Variants in ADAMTS6 observed in about 807,000 individuals in gnomAD.
The protein encoded by ADAMTS6 is A disintegrin and metalloproteinase with thrombospondin motifs 6.
Under a neutral mutation model 144.3 loss-of-function variants are expected in ADAMTS6, and 23 were observed. The observed-to-expected ratio is 0.16, with a 90% CI of 0.11 to 0.23. ADAMTS6 has a LOEUF of 0.23. Ranked by LOEUF, ADAMTS6 falls within the 10% of genes least tolerant of loss-of-function variation. The pLI is 1.00. For synonymous variants in ADAMTS6, 444 were observed against 457.5 expected (o/e 0.97, Z 0.38); for missense variants, 999 against 1,379.6 (o/e 0.72, Z 4.37).
chr5:65,268,649 T>C (rs1761818836), intron 12 of ADAMTS6, among the ~76,000 whole-genome samples: 1 of 152,194 alleles, frequency 6.6e-6, no homozygotes, highest in African/African-American at 2.4e-5. Context: ...GAATGGCTTA[T>C]TCAGGCGAAC....
chr5:65,196,556 G>GAAAAAAAAAAAA, intron 21 of ADAMTS6, among the ~76,000 whole-genome samples: 1 of 106,122 alleles, frequency 9.4e-6, no homozygotes, highest in Non-Finnish European at 2.0e-5. Context: ...AAAAAAAGAG[G>GAAAAAAAAAAAA]TCTTTAGATC....
At position 65,460,290 on chromosome 5, in the gene ADAMTS6, T is replaced by G. The variant is rs762682417; in HGVS notation, c.511A>C (p.Lys171Gln). Residue 171 changes from lysine (K) to glutamine (Q), a missense_variant, in exon 4 of 25, where the codon AAG becomes CAG. By Grantham distance (53) the Lys-to-Gln change is moderately conservative (BLOSUM62 1). Around this residue, in one of 3 missense-constraint regions of ADAMTS6, gnomAD observed 252 missense variants for 293.7 expected, o/e 0.86. Transcript: ENST00000381055. ...EDEEYFIEPLKNTTEDSKHFS... is the reference protein window; with the variant it reads ...EDEEYFIEPLQNTTEDSKHFS... ...TGCTTGGAATCCTCTGTGGTATTCT[T>G]TAAAGGTTCGATAAAATACTCTTCA... 2.5e-6 allele frequency: 4 copies of G among 1,613,784 alleles called. No individual in the cohort carries two copies. The highest frequency in any genetic ancestry group is 2.7e-5 in the African/African-American group (2 of 74,902).
At chr5:65,212,395 G>A (rs1756595810) in intron 20 of ADAMTS6, among the ~76,000 whole-genome samples, 1 of 143,158 alleles carries the variant, frequency 7.0e-6, no homozygotes, top group Non-Finnish European at 1.5e-5. Context: ...GGAAGAGAAA[G>A]CTCTCCCTTC....
At chr5:65,219,315 T>TTA (rs1204925683) in intron 18 of ADAMTS6, among the ~76,000 whole-genome samples, 5 of 152,160 alleles carry the variant, frequency 3.3e-5, no homozygotes, top group African/African-American at 1.2e-4. Context: ...ACTGTAAGAT[T>TTA]TACTGTCTGA....
At chr5:65,294,894 C>T (rs1477267191) in intron 10 of ADAMTS6, among the ~76,000 whole-genome samples, 1 of 150,674 alleles carries the variant, frequency 6.6e-6, no homozygotes, top group African/African-American at 2.4e-5. Context: ...CCTTGTTTTG[C>T]TTAATAATTT....
At chr5:65,320,727 T>C (rs1464926189) in intron 9 of ADAMTS6, among the ~76,000 whole-genome samples, 1 of 152,102 alleles carries the variant, frequency 6.6e-6, no homozygotes, top group Non-Finnish European at 1.5e-5. Flanking sequence ...AAGGCCCCAG[T>C]GTCTGTTTTC....
At chr5:65,356,018 C>T (rs72760554) in intron 7 of ADAMTS6, among the ~76,000 whole-genome samples, 7,153 of 151,804 alleles carry the variant, frequency 0.047, 216 homozygotes, top group East Asian at 0.11. Context: ...CATTTATACA[C>T]TAGAGTAATG....
At chr5:65,220,582 T>C (rs1757250333) in intron 18 of ADAMTS6, among the ~76,000 whole-genome samples, 1 of 152,070 alleles carries the variant, frequency 6.6e-6, no homozygotes, top group African/African-American at 2.4e-5. Flanking sequence ...CCGTTTCTAC[T>C]AAAATTACAA....
chr5:65,172,472 T>C (rs1283567172), intron 23 of ADAMTS6, among the ~76,000 whole-genome samples: 1 of 152,142 alleles, frequency 6.6e-6, no homozygotes, highest in African/African-American at 2.4e-5. Flanking sequence ...ATGAAGACAC[T>C]GCTGTTAACT....
At chr5:65,404,973 C>T (rs993195920) in intron 7 of ADAMTS6, among the ~76,000 whole-genome samples, 1 of 152,168 alleles carries the variant, frequency 6.6e-6, no homozygotes, top group African/African-American at 2.4e-5. Flanking sequence ...ATATCCTTTG[C>T]CCACTTTTTG....
At chr5:65,377,132 A>G (rs944419480) in intron 7 of ADAMTS6, among the ~76,000 whole-genome samples, 2 of 152,210 alleles carry the variant, frequency 1.3e-5, no homozygotes, top group African/African-American at 4.8e-5. Context: ...ATCAGTAAAG[A>G]CAACAACATT....
intron 7 of ADAMTS6, among the ~76,000 whole-genome samples, chr5:65,343,407 G>C (rs1748041277): frequency 2.0e-5 from 3 of 151,970 alleles, no homozygotes; most frequent in Admixed American, 2.0e-4. Context: ...ACGGCCAATT[G>C]ATTTTTGACA....
chr5:65,472,017 AATAG>A (rs1760481223), intron 2 of ADAMTS6, among the ~76,000 whole-genome samples: 1 of 152,262 alleles, frequency 6.6e-6, no homozygotes, highest in Non-Finnish European at 1.5e-5. Context: ...TCAATTGATG[AATAG>A]ACAAACAAAA....
chr5:65,167,567 A>C (rs1162841247), intron 24 of ADAMTS6, among the ~76,000 whole-genome samples: 2 of 143,632 alleles, frequency 1.4e-5, no homozygotes, highest in Non-Finnish European at 3.1e-5. Context: ...AAAGCCGGGC[A>C]GAGACACAAC....
In ADAMTS6 at chr5:65,221,574, G is replaced by T. The variant is rs370816794; in HGVS notation, c.2272+2746C>A. Among the ~76,000 whole-genome samples, 12 of 152,256 alleles carry T rather than the reference G, an allele frequency of 7.9e-5. 1 individual carries two copies. The East Asian group carries it at 1.3e-3, about 17-fold the overall frequency. On this transcript the variant is annotated intron_variant, in intron 18 of 24. Transcript: ENST00000381055. ...ACAACAAGGAATGATTTGCCCTTAT[G>T]ATTGGTTGAAAACAAAAGGCTGCCT...
chr5:65,460,905 A>G (rs2591810), intron 3 of ADAMTS6, among the ~76,000 whole-genome samples: 1 of 152,220 alleles, frequency 6.6e-6, no homozygotes, highest in Admixed American at 6.5e-5. Flanking sequence ...AGACACAGAC[A>G]TACAGAAGAA....
At chr5:65,261,400 C>A (rs754877070) in intron 13 of ADAMTS6, among the ~76,000 whole-genome samples, 31 of 152,094 alleles carry the variant, frequency 2.0e-4, no homozygotes, top group Non-Finnish European at 4.0e-4. Context: ...CAACTAATTT[C>A]TTCTTTTAAA....
chr5:65,253,812 CTTTTTTTTTTTTTTTTTTTTTTTT>C (rs759508097), intron 14 of ADAMTS6, among the ~76,000 whole-genome samples: 1 of 66,962 alleles, frequency 1.5e-5, no homozygotes, highest in Non-Finnish European at 2.6e-5. Context: ...AATATTCAAT[CTTTTTTTTTTTTTTTTTTTTTTTT>C]TTTTTTTTTG....
chr5:65,194,884 T>C (rs1186468770), intron 21 of ADAMTS6, among the ~76,000 whole-genome samples: 1 of 152,202 alleles, frequency 6.6e-6, no homozygotes, highest in Non-Finnish European at 1.5e-5. Context: ...ATCCTTAAAC[T>C]GTTAAAAAAC....
Sources: allele counts gnomAD v4.1 joint callset (sites outside exome capture counted in the v4.1 genomes callset), GRCh38; gene constraint gnomAD v4.1.1; regional missense constraint gnomAD v4.1.1; transcripts MANE v1.5; gene names NCBI Gene and HGNC (gene_info 2026-07-23, HGNC 2026-07-21).